ELK3: variants seen among roughly 807,000 people sequenced by gnomAD.
ELK3 encodes ETS domain-containing protein Elk-3.
Under a neutral mutation model 28.9 loss-of-function variants are expected in ELK3, and 10 were observed. The observed-to-expected ratio is 0.35, with a 90% CI of 0.21 to 0.59. The LOEUF (loss-of-function observed/expected upper bound fraction) is 0.59, where lower values mean the gene tolerates loss of function less well. Among genes scored for constraint, ELK3 ranks in the 20% least tolerant of loss-of-function variants. The pLI is 0.82. For missense variants in ELK3, 463 were observed against 517.3 expected (o/e 0.90, Z 1.02); for synonymous variants, 272 against 243.5 (o/e 1.12, Z -1.09).
intron 3 of ELK3, among the ~76,000 whole-genome samples, chr12:96,258,648 G>A (rs796726040): frequency 6.6e-6 from 1 of 152,186 alleles, no homozygotes; most frequent in Non-Finnish European, 1.5e-5. Context: ...ACCCTGGGCC[G>A]GGGAGTTTGT....
chr12:96,241,712 G>A (rs1205443403), intron 2 of ELK3, among the ~76,000 whole-genome samples: 4 of 152,188 alleles, frequency 2.6e-5, no homozygotes, highest in African/African-American at 7.2e-5. Context: ...AGGTCTGCCC[G>A]GAATCCTGTC....
intron 2 of ELK3, among the ~76,000 whole-genome samples, chr12:96,228,442 A>AAAAAAAAAAAAAAAAAAAAAAAAAAAAAG (rs761298726): frequency 7.0e-6 from 1 of 142,560 alleles, no homozygotes; most frequent in Non-Finnish European, 1.5e-5. Context: ...AAAAAAAAAA[A>AAAAAAAAAAAAAAAAAAAAAAAAAAAAAG]AAGAAGATCA....
chr12:96,266,817 CAT>C (rs1952035384), intron 4 of ELK3, among the ~76,000 whole-genome samples: 1 of 152,134 alleles, frequency 6.6e-6, no homozygotes, highest in South Asian at 2.1e-4. Context: ...GCTTTAGCAA[CAT>C]ATAAATTATA....
chr12:96,209,851 C>T (rs1951564745), intron 1 of ELK3, among the ~76,000 whole-genome samples: 1 of 151,490 alleles, frequency 6.6e-6, no homozygotes, highest in South Asian at 2.1e-4. Context: ...TTTACCCCTT[C>T]TACAGAGGAG....
At chr12:96,264,289 A>G (rs1180031822) in intron 4 of ELK3, among the ~76,000 whole-genome samples, 2 of 152,196 alleles carry the variant, frequency 1.3e-5, no homozygotes, top group African/African-American at 4.8e-5. Flanking sequence ...ACCTGGCTAG[A>G]GGAAATGATA....
intron 3 of ELK3, among the ~76,000 whole-genome samples, chr12:96,249,882 C>A (rs528090780): frequency 2.0e-4 from 31 of 152,164 alleles, no homozygotes; most frequent in Non-Finnish European, 3.2e-4. Context: ...CCAGCATGGC[C>A]TGAAACTAGG....
chr12:96,223,279 C>T (rs183204064), intron 1 of ELK3, among the ~76,000 whole-genome samples: 1 of 152,282 alleles, frequency 6.6e-6, no homozygotes, highest in East Asian at 1.9e-4. Flanking sequence ...AATCATTGTT[C>T]TGCATCATTC....
intron 2 of ELK3, among the ~76,000 whole-genome samples, chr12:96,233,904 G>A (rs1044086292): frequency 1.3e-5 from 2 of 152,202 alleles, no homozygotes; most frequent in African/African-American, 4.8e-5. Context: ...TTTGTTAAGT[G>A]TCTTTCTTTC....
At chr12:96,216,052 C>T (rs1278008858) in intron 1 of ELK3, among the ~76,000 whole-genome samples, 6 of 152,174 alleles carry the variant, frequency 3.9e-5, no homozygotes, top group Non-Finnish European at 8.8e-5. Flanking sequence ...AGAGGTCAAG[C>T]GTTTTACTCT....
rs1592695716 is a variant in ELK3, at chr12:96,267,260, A to G, written c.*80A>G. 11 of 1,224,488 alleles carry G rather than the reference A, an allele frequency of 9.0e-6. No individual in the cohort carries two copies. The East Asian group carries it at 1.8e-4, about 20-fold the overall frequency. The allele number at this position is 1,224,488 out of a possible 1,614,324, so 75.9% of individuals were successfully genotyped here. On this transcript the variant is annotated 3_prime_UTR_variant, in exon 5 of 5. Transcript: ENST00000228741. ...CGGGCTAGTTTACCTGTGTCGTGAGAAGGACATTGTGAAACTCTTGTTAAT... is the reference window on the plus strand; with the variant it reads ...CGGGCTAGTTTACCTGTGTCGTGAGGAGGACATTGTGAAACTCTTGTTAAT...
At chr12:96,266,341 G>A (rs868366347) in intron 4 of ELK3, among the ~76,000 whole-genome samples, 6 of 152,264 alleles carry the variant, frequency 3.9e-5, no homozygotes, top group Middle Eastern at 6.8e-3. Flanking sequence ...CCTCAACAAC[G>A]AAAATCTAGT....
chr12:96,233,134 T>C lies in ELK3; in HGVS notation c.207+9361T>C, dbSNP rs528574075. 4.8e-4 allele frequency among the ~76,000 whole-genome samples: 73 copies of C among 152,282 alleles called. 1 individual carries two copies. The highest frequency in any genetic ancestry group is 3.4e-3 in the Middle Eastern group (1 of 294). On this transcript the variant is annotated intron_variant, in intron 2 of 4. Transcript: ENST00000228741. Reference sequence around the variant, plus strand: ...AATCTATTTCTCTCTGCTGGCCGAGTTGGCCCTATCACACCTTCAGCATGA... The same window carrying C: ...AATCTATTTCTCTCTGCTGGCCGAGCTGGCCCTATCACACCTTCAGCATGA...
At chr12:96,248,185 G>A (rs1228500733) in intron 3 of ELK3, among the ~76,000 whole-genome samples, 2 of 152,170 alleles carry the variant, frequency 1.3e-5, no homozygotes, top group Admixed American at 6.5e-5. Flanking sequence ...TGCCGCCATC[G>A]CATGTCAGTG....
chr12:96,200,267 A>G (rs1951500210), intron 1 of ELK3, among the ~76,000 whole-genome samples: 1 of 152,148 alleles, frequency 6.6e-6, no homozygotes, highest in South Asian at 2.1e-4. Flanking sequence ...GCTATAGAAC[A>G]CGAGAACTTA....
At position 96,248,455 on chromosome 12, in the gene ELK3, A is replaced by G. The variant is rs117137620; in HGVS notation, c.1002+721A>G. On this transcript the variant is annotated intron_variant, in intron 3 of 4. Coordinates refer to ENST00000228741, the MANE Select transcript of ELK3 (RefSeq NM_005230.4). ...AAGGCGTAGTAGGTGCTGGGAAACC[A>G]TATTTCTCCTTCCCCTTGAAAATTG... 6.0e-4 allele frequency among the ~76,000 whole-genome samples: 91 copies of G among 152,334 alleles called. 2 individuals are homozygous for G. The East Asian group carries it at 0.016, about 27-fold the overall frequency.
At chr12:96,218,558 C>T (rs1354509406) in intron 1 of ELK3, among the ~76,000 whole-genome samples, 1 of 151,840 alleles carries the variant, frequency 6.6e-6, no homozygotes, top group Non-Finnish European at 1.5e-5. Context: ...GCCCAATCCC[C>T]GCCATTATGC....
intron 1 of ELK3, among the ~76,000 whole-genome samples, chr12:96,221,854 T>C (rs1023220642): frequency 3.9e-5 from 6 of 152,190 alleles, no homozygotes; most frequent in African/African-American, 1.4e-4. Context: ...CTGTGGGTAA[T>C]TGGAGAGCAC....
At chr12:96,200,340 T>C in intron 1 of ELK3, among the ~76,000 whole-genome samples, 1 of 152,146 alleles carries the variant, frequency 6.6e-6, no homozygotes, top group East Asian at 1.9e-4. Flanking sequence ...CTCCAAGCAA[T>C]AGAGTAAAGA....
At chr12:96,203,230 C>T (rs944761555) in intron 1 of ELK3, among the ~76,000 whole-genome samples, 1 of 152,186 alleles carries the variant, frequency 6.6e-6, no homozygotes, top group South Asian at 2.1e-4. Context: ...GCTGGTGCCC[C>T]TCATTATTCA....
Sources: allele counts gnomAD v4.1 joint callset (sites outside exome capture counted in the v4.1 genomes callset), GRCh38; gene constraint gnomAD v4.1.1; transcripts MANE v1.5; gene names NCBI Gene and HGNC (gene_info 2026-07-23, HGNC 2026-07-21).